Variants in ITGBL1 observed in about 807,000 individuals in gnomAD.
The protein encoded by ITGBL1 is integrin beta-like protein 1.
Under a neutral mutation model 68.5 loss-of-function variants are expected in ITGBL1, and 51 were observed. That is an observed-to-expected ratio of 0.74 (90% CI 0.59 to 0.94). The LOEUF (loss-of-function observed/expected upper bound fraction) is 0.94, where lower values mean the gene tolerates loss of function less well. Among genes scored for constraint, ITGBL1 ranks in the 40% least tolerant of loss-of-function variants. The pLI is 0.00. For synonymous variants in ITGBL1, 209 were observed against 227.3 expected, an observed-to-expected ratio of 0.92 and a Z score of 0.72; for missense variants, 649 against 647.4, an observed-to-expected ratio of 1.00 and a Z score of -0.03.
At chr13:101,580,969 G>C (rs926306623) in intron 5 of ITGBL1, among the ~76,000 whole-genome samples, 4 of 152,144 alleles carry the variant, frequency 2.6e-5, no homozygotes, top group Admixed American at 1.3e-4. Context: ...TGAGATTCAG[G>C]GGTACTTGAA....
At position 101,453,977 on chromosome 13, in the gene ITGBL1, G is replaced by C. The variant is rs905400019; in HGVS notation, c.193G>C (p.Gly65Arg). 6.5e-7 allele frequency: 1 copy of C among 1,531,100 alleles called. No homozygotes were observed. The highest frequency in any genetic ancestry group is 8.8e-7 in the Non-Finnish European group (1 of 1,136,870). The allele number at this position is 1,531,100 out of a possible 1,614,324, so 94.8% of individuals were successfully genotyped here. Reference sequence around the variant, plus strand: ...GCCCCCGGGGGCCGCGCTGTGCCACGGCCGGGGCCGCTGCGACTGCGGCGT... The same window carrying C: ...GCCCCCGGGGGCCGCGCTGTGCCACCGCCGGGGCCGCTGCGACTGCGGCGT... ...GQPPGAALCHGRGRCDCGVCI... is the reference protein window; with the variant it reads ...GQPPGAALCHRRGRCDCGVCI... Residue 65 changes from glycine to arginine, a missense_variant, in exon 2 of 11, where the codon GGC (glycine) becomes CGC (arginine). Coordinates refer to ENST00000376180, the MANE Select transcript of ITGBL1 (RefSeq NM_004791.3).
chr13:101,478,396 G>A (rs559717929), intron 2 of ITGBL1, among the ~76,000 whole-genome samples: 2 of 152,194 alleles, frequency 1.3e-5, no homozygotes, highest in East Asian at 1.9e-4. Context: ...GGGAAAAACT[G>A]AAAGGCTTTC....
intron 7 of ITGBL1, among the ~76,000 whole-genome samples, chr13:101,607,673 A>T (rs1295534370): frequency 1.3e-5 from 2 of 152,038 alleles, no homozygotes; most frequent in African/African-American, 4.8e-5. Flanking sequence ...CTCTAAAATA[A>T]ATTATACAGG....
chr13:101,646,839 T>C (rs1331417141), intron 7 of ITGBL1, among the ~76,000 whole-genome samples: 2 of 152,154 alleles, frequency 1.3e-5, no homozygotes, highest in African/African-American at 4.8e-5. Flanking sequence ...TGATGTCATA[T>C]GTAAAATAAG....
chr13:101,710,346 T>A (rs892654136), intron 9 of ITGBL1, among the ~76,000 whole-genome samples: 1 of 152,184 alleles, frequency 6.6e-6, no homozygotes, highest in African/African-American at 2.4e-5. Context: ...GGATTATCGA[T>A]GACGAAAGGG....
At chr13:101,688,901 T>C (rs898179013) in intron 7 of ITGBL1, among the ~76,000 whole-genome samples, 2 of 152,082 alleles carry the variant, frequency 1.3e-5, no homozygotes, top group Non-Finnish European at 2.9e-5. Flanking sequence ...TAAATATTGA[T>C]TCAAAACATT....
At chr13:101,593,533 C>T (rs1000390331) in intron 6 of ITGBL1, among the ~76,000 whole-genome samples, 1 of 151,924 alleles carries the variant, frequency 6.6e-6, no homozygotes, top group African/African-American at 2.4e-5. Flanking sequence ...TGGCCATTAA[C>T]AGATGAATGG....
intron 2 of ITGBL1, among the ~76,000 whole-genome samples, chr13:101,456,312 T>G (rs1326938605): frequency 6.6e-6 from 1 of 152,360 alleles, no homozygotes; most frequent in East Asian, 1.9e-4. Context: ...GCAAATGCCC[T>G]GACCACGTTT....
chr13:101,552,590 A>G (rs1433224271), intron 2 of ITGBL1, among the ~76,000 whole-genome samples: 5 of 152,228 alleles, frequency 3.3e-5, no homozygotes, highest in African/African-American at 1.2e-4. Context: ...CAGATCAAGC[A>G]AACTGTCAAT....
At chr13:101,605,298 A>G (rs1374647923) in intron 7 of ITGBL1, among the ~76,000 whole-genome samples, 1 of 131,550 alleles carries the variant, frequency 7.6e-6, no homozygotes, top group Admixed American at 8.1e-5. Context: ...ATATATACAC[A>G]TATATAGGCA....
At chr13:101,702,609 GAC>G (rs1566797752) in intron 8 of ITGBL1, among the ~76,000 whole-genome samples, 2 of 151,768 alleles carry the variant, frequency 1.3e-5, no homozygotes, top group South Asian at 2.1e-4. Context: ...ACAAAAAAAA[GAC>G]AGAATATTTT....
At chr13:101,545,063 A>G (rs1411743271) in intron 2 of ITGBL1, among the ~76,000 whole-genome samples, 21 of 152,062 alleles carry the variant, frequency 1.4e-4, no homozygotes, top group Admixed American at 1.4e-3. Flanking sequence ...ACTGTCCTGC[A>G]CCCACTTTCC....
chr13:101,609,867 C>T (rs1001097264), intron 7 of ITGBL1, among the ~76,000 whole-genome samples: 2 of 151,938 alleles, frequency 1.3e-5, no homozygotes, highest in Non-Finnish European at 2.9e-5. Flanking sequence ...TTATCTATGG[C>T]AACAGAACAG....
At chr13:101,459,096 T>A (rs927963004) in intron 2 of ITGBL1, among the ~76,000 whole-genome samples, 4 of 152,278 alleles carry the variant, frequency 2.6e-5, no homozygotes, top group Admixed American at 1.3e-4. Flanking sequence ...AAGAACCAGA[T>A]AACCAAATCC....
At chr13:101,490,113 G>T in intron 2 of ITGBL1, 2 of 711,232 alleles carry the variant, frequency 2.8e-6, no homozygotes, top group Non-Finnish European at 4.7e-6. Flanking sequence ...GTATTTGGAG[G>T]TGGGGCCTTT....
At chr13:101,710,016 A>G (rs1233317186) in intron 9 of ITGBL1, among the ~76,000 whole-genome samples, 1 of 152,256 alleles carries the variant, frequency 6.6e-6, no homozygotes, top group Non-Finnish European at 1.5e-5. Context: ...TTGACTAAAT[A>G]TTGACTCAAA....
intron 2 of ITGBL1, among the ~76,000 whole-genome samples, chr13:101,496,189 T>C (rs1418834856): frequency 6.6e-6 from 1 of 152,188 alleles, no homozygotes; most frequent in African/African-American, 2.4e-5. Context: ...GTGCTCAGTG[T>C]AGAATTTCAC....
At chr13:101,600,025 G>A (rs1343086675) in intron 7 of ITGBL1, among the ~76,000 whole-genome samples, 16 of 152,312 alleles carry the variant, frequency 1.1e-4, no homozygotes, top group South Asian at 4.1e-4. Context: ...AAGTACCTTG[G>A]GCAGTATGGC....
intron 7 of ITGBL1, among the ~76,000 whole-genome samples, chr13:101,647,877 A>G (rs1198843624): frequency 2.0e-5 from 3 of 152,232 alleles, no homozygotes; most frequent in Admixed American, 1.3e-4. Context: ...TAAGAAGCCA[A>G]GAAGAAAGTG....
Sources: gnomAD v4.1 joint callset for allele counts (sites outside exome capture counted in the v4.1 genomes callset) on GRCh38, gnomAD v4.1.1 for gene constraint, MANE v1.5 for transcripts, NCBI Gene and HGNC (gene_info 2026-07-23, HGNC 2026-07-21) for gene names.